Variants in WDR89 observed in about 807,000 individuals in gnomAD.
The protein encoded by WDR89 is WD repeat domain 89.
Under a neutral mutation model 29.1 loss-of-function variants are expected in WDR89, and 17 were observed. That is an observed-to-expected ratio of 0.58 (90% CI 0.40 to 0.88). The LOEUF (loss-of-function observed/expected upper bound fraction) is 0.88, where lower values mean the gene tolerates loss of function less well. WDR89 is among the 40% of genes least tolerant of loss of function. The pLI, the probability that WDR89 is intolerant of heterozygous loss-of-function variation, is 0.00. For missense variants in WDR89, 396 were observed against 456.3 expected (o/e 0.87, Z 1.20); for synonymous variants, 138 against 157.8 (o/e 0.87, Z 0.94).
Position 63,632,130 on chromosome 14 carries a change from A to AC in WDR89, c.-137-7098_-137-7097insG, listed in dbSNP as rs1883445155. Among the ~76,000 whole-genome samples, 3 of 151,984 alleles carry AC rather than the reference A, an allele frequency of 2.0e-5. No individual in the cohort carries two copies. In the South Asian group the frequency reaches 6.2e-4, roughly 32 times the overall value. ...CTGCCTCAAAAAAACAAACAAACAA[A>AC]AAAAAAACTAAAAACAAAAAAAAGT... On this transcript the variant is annotated intron_variant, in intron 1 of 2. Transcript: ENST00000620954.
At chr14:63,624,884 G>A (rs569184378) in intron 2 of WDR89, 44 bp downstream of exon 2, 1 of 152,130 alleles carries the variant, frequency 6.6e-6, no homozygotes, top group Non-Finnish European at 1.5e-5. Context: ...AGCCACTTTG[G>A]AAACTGGTTT....
chr14:63,629,159 A>T (rs1372208486), intron 1 of WDR89, among the ~76,000 whole-genome samples: 2 of 152,174 alleles, frequency 1.3e-5, no homozygotes, highest in Non-Finnish European at 2.9e-5. Context: ...GCACTCTTCT[A>T]GGTGCTAGAG....
chr14:63,600,305 G>C (rs1169439275), intron 2 of WDR89, among the ~76,000 whole-genome samples: 3 of 151,658 alleles, frequency 2.0e-5, no homozygotes, highest in African/African-American at 7.3e-5. Context: ...ACCAGCCTGA[G>C]CAACATGGGG....
chr14:63,629,185 G>C (rs1883250017), intron 1 of WDR89, among the ~76,000 whole-genome samples: 1 of 152,174 alleles, frequency 6.6e-6, no homozygotes, highest in Non-Finnish European at 1.5e-5. Flanking sequence ...GTGATAACTA[G>C]AACTTGATTC....
chr14:63,619,327 C>T (rs1362090315), intron 2 of WDR89, among the ~76,000 whole-genome samples: 3 of 152,160 alleles, frequency 2.0e-5, no homozygotes, highest in African/African-American at 4.8e-5. Flanking sequence ...GTTCAAGCCC[C>T]AACACTCACA....
In WDR89 at chr14:63,598,881, C is replaced by T; in HGVS notation, c.1062G>A (p.Glu354=). The T allele has an allele frequency of 6.2e-7, 1 of 1,614,176 alleles. No homozygotes were observed. The highest frequency in any genetic ancestry group is 1.3e-5 in the African/African-American group (1 of 75,046). The stretch of plus-strand genomic sequence containing the variant: ...TACTCTCTTTCTTTGTAAAGGTCTT[C>T]TCTATAGCTCCAGGTTTCCAAAGTA... ...QLLLWKPGAI[E]KTFTKKESMK... Residue 354 remains glutamate (E), a synonymous_variant, in exon 3 of 3, where the codon GAG becomes GAA. Coordinates refer to ENST00000620954, the MANE Select transcript of WDR89 (RefSeq NM_080666.4).
chr14:63,628,069 T>C (rs1199006706), intron 1 of WDR89, among the ~76,000 whole-genome samples: 2 of 152,086 alleles, frequency 1.3e-5, no homozygotes. Context: ...GATTCCATTC[T>C]CTACAAAAAG....
chr14:63,641,128 G>C (rs145472827), intron 1 of WDR89, among the ~76,000 whole-genome samples: 2,369 of 145,308 alleles, frequency 0.016, 59 homozygotes, highest in African/African-American at 0.052. Flanking sequence ...AAAAGAAAAA[G>C]AAAAACAAAA....
In WDR89 at chr14:63,598,850, T is replaced by C. The variant is rs1454408190; in HGVS notation, c.1093A>G (p.Ile365Val). Residue 365 changes from isoleucine to valine, a missense_variant, in exon 3 of 3, where the codon ATA becomes GTA. Ile to Val is a conservative substitution (Grantham distance 29). Coordinates refer to ENST00000620954, the MANE Select transcript of WDR89 (RefSeq NM_080666.4). Reference protein sequence around the residue: ...KTFTKKESMKIASSVHQRVRV... With the variant: ...KTFTKKESMKVASSVHQRVRV... ...ACTCGTTGGTGCACAGAGGATGCTA[T>C]TTTCATACTCTCTTTCTTTGTAAAG... 6.2e-7 allele frequency: 1 copy of C among 1,613,980 alleles called. No individual in the cohort carries two copies. The highest frequency in any genetic ancestry group is 8.5e-7 in the Non-Finnish European group (1 of 1,180,006).
intron 1 of WDR89, chr14:63,630,570 G>A (rs1883332910): frequency 6.6e-6 from 1 of 151,752 alleles, no homozygotes; most frequent in Non-Finnish European, 1.5e-5. Context: ...TTGAGCCCAG[G>A]AGGTGGAGGT....
At chr14:63,601,760 C>T in intron 2 of WDR89, 1 of 1,331,788 alleles carries the variant, frequency 7.5e-7, no homozygotes, top group Non-Finnish European at 1.1e-6. Context: ...TTCTAGATGA[C>T]AAGGATTATT....
intron 1 of WDR89, among the ~76,000 whole-genome samples, chr14:63,640,360 G>A (rs988978005): frequency 6.6e-6 from 1 of 152,182 alleles, no homozygotes; most frequent in South Asian, 2.1e-4. Context: ...CAATTATACA[G>A]GTGAAAAAGC....
At chr14:63,626,137 C>G (rs1328871172) in intron 1 of WDR89, among the ~76,000 whole-genome samples, 2 of 152,018 alleles carry the variant, frequency 1.3e-5, no homozygotes, top group Non-Finnish European at 2.9e-5. Context: ...CAGGTGTGAG[C>G]CACCACACCC....
chr14:63,607,708 C>T lies in WDR89; in HGVS notation c.-31-7735G>A, dbSNP rs149919545. On this transcript the variant is annotated intron_variant, in intron 2 of 2. Transcript: ENST00000620954. ...ACCAGCCTGACCAACATGGAGAAAA[C>T]CCATCTCTACTAAAAATACAAAATT... 4.5e-3 allele frequency among the ~76,000 whole-genome samples: 680 copies of T among 151,114 alleles called. 4 individuals carry two copies. Among genetic ancestry groups the T allele is most frequent in the African/African-American group, 0.015 (630 of 41,162 alleles).
At chr14:63,637,133 T>C (rs982779852) in intron 1 of WDR89, among the ~76,000 whole-genome samples, 2 of 152,092 alleles carry the variant, frequency 1.3e-5, no homozygotes, top group African/African-American at 2.4e-5. Flanking sequence ...AAAGAAGATA[T>C]ACAAATGGCC....
At chr14:63,625,556 A>G (rs1359682655) in intron 1 of WDR89, among the ~76,000 whole-genome samples, 1 of 152,212 alleles carries the variant, frequency 6.6e-6, no homozygotes. Context: ...AGTCATAGGC[A>G]AAACTAATGT....
At chr14:63,634,067 GA>G (rs1354818455) in intron 1 of WDR89, among the ~76,000 whole-genome samples, 1 of 152,154 alleles carries the variant, frequency 6.6e-6, no homozygotes, top group African/African-American at 2.4e-5. Flanking sequence ...TCTCCAAATA[GA>G]AAGATGTTTA....
intron 2 of WDR89, chr14:63,621,860 G>A (rs940675954): frequency 1.3e-5 from 2 of 152,136 alleles, no homozygotes; most frequent in African/African-American, 2.4e-5. Flanking sequence ...TACTGCACTT[G>A]ACTAGTCTTC....
chr14:63,607,297 G>C (rs1895364076), intron 2 of WDR89, among the ~76,000 whole-genome samples: 1 of 151,954 alleles, frequency 6.6e-6, no homozygotes, highest in African/African-American at 2.4e-5. Context: ...CAAGTAGCTG[G>C]GACTACAGGT....
Sources: allele counts gnomAD v4.1 joint callset (sites outside exome capture counted in the v4.1 genomes callset), GRCh38; gene constraint gnomAD v4.1.1; transcripts MANE v1.5; gene names NCBI Gene and HGNC (gene_info 2026-07-23, HGNC 2026-07-21).